Variants in ARG1 observed in about 807,000 individuals in gnomAD.
The protein encoded by ARG1 is arginase-1.
ARG1 carries 20 observed loss-of-function variants against 33.0 expected under a neutral mutation model. The ratio of observed to expected loss-of-function variants is 0.61; its 90% CI spans 0.43 to 0.88. The LOEUF (loss-of-function observed/expected upper bound fraction) is 0.88. Among genes scored for constraint, ARG1 ranks in the 40% least tolerant of loss-of-function variants. The pLI is 0.00. For missense variants in ARG1, 374 were observed against 384.7 expected, an observed-to-expected ratio of 0.97 and a Z score of 0.23; for synonymous variants, 146 against 140.6, an observed-to-expected ratio of 1.04 and a Z score of -0.27.
rs1774019249 is a variant in ARG1 at position 131,583,085 on chromosome 6, A to C, written c.586A>C (p.Lys196Gln). Residue 196 changes from lysine to glutamine, a missense_variant, in exon 6 of 8, where the codon AAA becomes CAA. Lys to Gln is a moderately conservative substitution (Grantham distance 53). Coordinates refer to ENST00000368087, the MANE Select transcript of ARG1 (RefSeq NM_000045.4). ...EHYILKTLGI[K>Q]YFSMTEVDRL... ...CTACATTTTGAAAACTCTAGGCATT[A>C]AATACTTTTCAATGACTGAAGTGGA... The C allele has an allele frequency of 6.2e-7, 1 of 1,613,312 alleles. No individual in the cohort carries two copies. Among genetic ancestry groups the C allele is most frequent in the Non-Finnish European group, 8.5e-7 (1 of 1,179,500 alleles).
At position 131,573,359 on chromosome 6, in the gene ARG1, T is replaced by C. The variant is rs1485724817; in HGVS notation, c.57+20T>C. 2 of 1,613,172 alleles carry C rather than the reference T, an allele frequency of 1.2e-6. No homozygotes were observed. Among genetic ancestry groups the C allele is most frequent in the African/African-American group, 2.7e-5 (2 of 74,908 alleles). On this transcript the variant is annotated intron_variant, in intron 1 of 7. Transcript: ENST00000368087. The stretch of plus-strand genomic sequence containing the variant: ...GGACAGGTAAGGAAAAAAGTCTTTC[T>C]TTGAATTCCTGGAATTTAGTTGAAA...
chr6:131,577,661 G>A (rs1217681064), intron 2 of ARG1, among the ~76,000 whole-genome samples: 1 of 151,986 alleles, frequency 6.6e-6, no homozygotes, highest in Admixed American at 6.6e-5. Context: ...TATCACTTTG[G>A]GAAGCCAAGG....
In ARG1 at chr6:131,583,923, G is replaced by T. The variant is rs1240654191; in HGVS notation, c.*15G>T. Reference sequence around the variant, plus strand: ...CACCTAAGTAAATGTGGAAACATCCGATATAAATCTCATAGTTAATGGCAT... The same window carrying T: ...CACCTAAGTAAATGTGGAAACATCCTATATAAATCTCATAGTTAATGGCAT... On this transcript the variant is annotated 3_prime_UTR_variant, in exon 8 of 8. Transcript: ENST00000368087. 1 of 1,612,710 alleles carries T rather than the reference G, an allele frequency of 6.2e-7. No homozygotes were observed.
chr6:131,576,957 C>CA (rs1773643384), intron 2 of ARG1, among the ~76,000 whole-genome samples: 1 of 151,382 alleles, frequency 6.6e-6, no homozygotes, highest in Admixed American at 6.6e-5. Flanking sequence ...TCTTTCCAGC[C>CA]AAACTACAGT....
Position 131,581,314 on chromosome 6 carries a change from C to T in ARG1, c.401C>T (p.Thr134Ile). 3 of 1,613,910 alleles carry T rather than the reference C, an allele frequency of 1.9e-6. No individual in the cohort carries two copies. Residue 134 changes from threonine (T) to isoleucine (I), a missense_variant, in exon 4 of 8, where the codon ACA (threonine) becomes ATA (isoleucine). Coordinates refer to ENST00000368087, the MANE Select transcript of ARG1 (RefSeq NM_000045.4). Reference sequence around the variant, plus strand: ...CACACTGATATCAACACTCCACTGACAACCACAAGTGGAAACTTGCATGGA... The same window carrying T: ...CACACTGATATCAACACTCCACTGATAACCACAAGTGGAAACTTGCATGGA... ...DAHTDINTPL[T>I]TTSGNLHGQP...
At chr6:131,577,670 G>A (rs910598748) in intron 2 of ARG1, among the ~76,000 whole-genome samples, 1 of 151,976 alleles carries the variant, frequency 6.6e-6, no homozygotes, top group Non-Finnish European at 1.5e-5. Context: ...GGGAAGCCAA[G>A]GTGGGTGGAC....
Position 131,579,130 on chromosome 6 carries a change from T to A in ARG1, c.150T>A (p.Tyr50Ter), listed in dbSNP as rs1415873396. 6.2e-7 allele frequency: 1 copy of A among 1,614,170 alleles called. No individual in the cohort carries two copies. The highest frequency in any genetic ancestry group is 8.5e-7 in the Non-Finnish European group (1 of 1,179,998). Residue 50 changes from tyrosine to a stop codon, truncating the protein, a stop_gained, in exon 3 of 8, where the codon TAT becomes TAA. Coordinates refer to ENST00000368087, the MANE Select transcript of ARG1 (RefSeq NM_000045.4). LOFTEE classifies it high-confidence loss of function. Reference sequence around the variant, plus strand: ...TTTTAGAGTGTGATGTGAAGGATTATGGGGACCTGCCCTTTGCTGACATCC... The same window carrying A: ...TTTTAGAGTGTGATGTGAAGGATTAAGGGGACCTGCCCTTTGCTGACATCC... ...LKEQECDVKDYGDLPFADIPN... is the reference protein window; with the variant it reads ...LKEQECDVKD
Position 131,581,379 on chromosome 6 carries a change from G to A in ARG1, c.465+1G>A, listed in dbSNP as rs758905397. 6.2e-7 allele frequency: 1 copy of A among 1,611,664 alleles called. No individual in the cohort carries two copies. Among genetic ancestry groups the A allele is most frequent in the African/African-American group, 1.3e-5 (1 of 74,854 alleles). On this transcript the variant is annotated splice_donor_variant, in intron 4 of 7. Transcript: ENST00000368087. LOFTEE classifies it high-confidence loss of function. ...CCTCCTGAAGGAACTAAAAGGAAAG[G>A]TAAAAGACTGGTTGGTACTCTAGTG...
At position 131,583,060 on chromosome 6, in the gene ARG1, C is replaced by CT; in HGVS notation, c.562dup (p.Tyr188LeufsTer9). ...AATTATCTTAATTTCTCTTTTATAG[C>CT]TACATTTTGAAAACTCTAGGCATTA... On this transcript the variant is annotated frameshift_variant and splice_region_variant, in exon 6 of 8. Transcript: ENST00000368087. LOFTEE classifies it high-confidence loss of function. The CT allele has an allele frequency of 6.2e-7, 1 of 1,607,546 alleles. No individual in the cohort carries two copies. The highest frequency in any genetic ancestry group is 1.1e-5 in the South Asian group (1 of 90,746).
chr6:131,574,125 G>A (rs574480177), intron 1 of ARG1: 14 of 806,288 alleles, frequency 1.7e-5, no homozygotes, highest in African/African-American at 1.4e-4. Flanking sequence ...GAACACCTTA[G>A]ACTTCAACAC....
intron 4 of ARG1, among the ~76,000 whole-genome samples, chr6:131,582,229 A>AC (rs1178628275): frequency 2.6e-5 from 4 of 152,230 alleles, no homozygotes; most frequent in Non-Finnish European, 5.9e-5. Flanking sequence ...TCATATTATC[A>AC]CATTAAGAAT....
At chr6:131,576,102 T>G (rs1336672725) in intron 1 of ARG1, among the ~76,000 whole-genome samples, 1 of 152,234 alleles carries the variant, frequency 6.6e-6, no homozygotes, top group Non-Finnish European at 1.5e-5. Context: ...AAGACTCAGC[T>G]TAAACAGCAT....
At chr6:131,582,864 T>C (rs1774006649) in intron 5 of ARG1, 149 bp downstream of exon 5, 1 of 777,112 alleles carries the variant, frequency 1.3e-6, no homozygotes. Context: ...TACATGTACA[T>C]ACATATGTAT....
Position 131,582,715 on chromosome 6 carries a change from A to T in ARG1, c.560A>T (p.His187Leu). The change falls in exon 5 of 8, where the codon CAC becomes CTC. Residue 187 changes from histidine (H) to leucine (L), a missense_variant and splice_region_variant. Transcript: ENST00000368087. Reference protein sequence around the residue: ...IGLRDVDPGEHYILKTLGIKY... With the variant: ...IGLRDVDPGELYILKTLGIKY... ...TTGAGAGACGTGGACCCTGGGGAAC[A>T]GTAAGCTTATTCCTTGATGTGATTT... 3 of 1,613,418 alleles carry T rather than the reference A, an allele frequency of 1.9e-6. No individual in the cohort carries two copies. Among genetic ancestry groups the T allele is most frequent in the Non-Finnish European group, 2.5e-6 (3 of 1,179,432 alleles).
At chr6:131,580,034 T>C (rs1773841149) in intron 3 of ARG1, among the ~76,000 whole-genome samples, 1 of 152,162 alleles carries the variant, frequency 6.6e-6, no homozygotes, top group African/African-American at 2.4e-5. Flanking sequence ...CATATTCAGG[T>C]TGCATTATAA....
At chr6:131,574,362 C>T in intron 1 of ARG1, 2 of 1,574,676 alleles carry the variant, frequency 1.3e-6, no homozygotes, top group Non-Finnish European at 1.7e-6. Flanking sequence ...TCAGTAAATA[C>T]TACTTTGCTT....
chr6:131,579,300 CT>C lies in ARG1; in HGVS notation c.305+16del. The C allele has an allele frequency of 6.2e-7, 1 of 1,613,622 alleles. No homozygotes were observed. Among genetic ancestry groups the C allele is most frequent in the Non-Finnish European group, 8.5e-7 (1 of 1,179,778 alleles). On this transcript the variant is annotated intron_variant, in intron 3 of 7. Coordinates refer to ENST00000368087, the MANE Select transcript of ARG1 (RefSeq NM_000045.4). ...GGAGACCACAGGTCTTGTTGAATAACTGTGTCTATGGGAATCTGGCACAAAG... is the reference window on the plus strand; with the variant it reads ...GGAGACCACAGGTCTTGTTGAATAACGTGTCTATGGGAATCTGGCACAAAG...
intron 1 of ARG1, chr6:131,574,274 T>C (rs1352002750): frequency 6.2e-7 from 1 of 1,613,998 alleles, no homozygotes; most frequent in East Asian, 2.2e-5. Flanking sequence ...TTGGAACCCT[T>C]GCTGTGTACT....
At chr6:131,580,699 G>A (rs1339856902) in intron 3 of ARG1, among the ~76,000 whole-genome samples, 1 of 152,150 alleles carries the variant, frequency 6.6e-6, no homozygotes, top group African/African-American at 2.4e-5. Flanking sequence ...GCCATACGCT[G>A]GCTGAAGAAC....
Sources: gnomAD v4.1 joint callset for allele counts (sites outside exome capture counted in the v4.1 genomes callset) on GRCh38, gnomAD v4.1.1 for gene constraint, MANE v1.5 for transcripts, NCBI Gene and HGNC (gene_info 2026-07-23, HGNC 2026-07-21) for gene names.